CCZ1B: variants seen among roughly 807,000 people sequenced by gnomAD.
The protein encoded by CCZ1B is vacuolar fusion protein CCZ1 homolog B.
Under a neutral mutation model 58.8 loss-of-function variants are expected in CCZ1B, and 25 were observed. The ratio of observed to expected loss-of-function variants is 0.43; its 90% CI spans 0.31 to 0.59. CCZ1B has a LOEUF of 0.59. CCZ1B is among the 20% of genes least tolerant of loss of function. CCZ1B has a pLI of 0.12. For missense variants in CCZ1B, 180 were observed against 501.5 expected, an observed-to-expected ratio of 0.36 and a Z score of 6.12; for synonymous variants, 66 against 173.2, an observed-to-expected ratio of 0.38 and a Z score of 4.86.
At chr7:6,816,738 A>C (rs1407550266) in intron 7 of CCZ1B, among the ~76,000 whole-genome samples, 1 of 151,034 alleles carries the variant, frequency 6.6e-6, no homozygotes, top group African/African-American at 2.5e-5. Flanking sequence ...TGGAATAAGC[A>C]ATTCCATCAA....
In CCZ1B at chr7:6,814,665, A is replaced by G. The variant is rs561792632; in HGVS notation, c.780+99T>C. On this transcript the variant is annotated intron_variant, in intron 8 of 14. Coordinates refer to ENST00000316731, the MANE Select transcript of CCZ1B (RefSeq NM_198097.5). ...AACACACTAAGACAAAACATACATC[A>G]GAAACGATCAGAAACACCCCCATGC... The G allele has an allele frequency of 3.3e-5, 35 of 1,075,336 alleles. 1 individual carries two copies. In the African/African-American group the frequency reaches 5.3e-4, roughly 16 times the overall value. The allele number at this position is 1,075,336 out of a possible 1,614,324, so 66.6% of individuals were successfully genotyped here. A position where few individuals can be genotyped will look rare whatever the true frequency, so the allele number is the denominator to read the frequency against.
intron 7 of CCZ1B, among the ~76,000 whole-genome samples, chr7:6,819,436 A>G (rs1783073636): frequency 6.7e-6 from 1 of 148,642 alleles, no homozygotes; most frequent in African/African-American, 2.5e-5. Flanking sequence ...GGGTTTCACT[A>G]TGTTGACCAG....
Position 6,809,410 on chromosome 7 carries a change from C to T in CCZ1B, c.954+2542G>A, listed in dbSNP as rs140617645. Among the ~76,000 whole-genome samples the T allele has an allele frequency of 5.3e-4, 76 of 144,462 alleles. 5 individuals carry two copies. The highest frequency in any genetic ancestry group is 1.8e-3 in the African/African-American group (67 of 36,288). 94.8% of individuals were successfully genotyped at this position (144,462 alleles called of 152,430 possible). On this transcript the variant is annotated intron_variant, in intron 10 of 14. Coordinates refer to ENST00000316731, the MANE Select transcript of CCZ1B (RefSeq NM_198097.5). ...CCCTTTAACATAGCCACAACCCCAT[C>T]ATCACACCCCACAATATGTCTGTAG...
chr7:6,819,686 C>T, intron 7 of CCZ1B, 80 bp downstream of exon 7: 1 of 795,782 alleles, frequency 1.3e-6, no homozygotes, highest in Non-Finnish European at 2.0e-6. Flanking sequence ...TCCTGTTTGA[C>T]AACCTGTCAT....
rs1016254870 is a variant in CCZ1B, at chr7:6,825,315, T to C, written c.121-578A>G. Among the ~76,000 whole-genome samples, 12 of 146,716 alleles carry C rather than the reference T, an allele frequency of 8.2e-5. 1 individual carries two copies. The South Asian group carries it at 2.2e-3, about 27-fold the overall frequency. Reference sequence around the variant, plus strand: ...TGCAGTGGCGCTATTACAGCTCACCTGCAGCCTCAATCACTTGGGCTCAAG... The same window carrying C: ...TGCAGTGGCGCTATTACAGCTCACCCGCAGCCTCAATCACTTGGGCTCAAG... On this transcript the variant is annotated intron_variant, in intron 1 of 14. Transcript: ENST00000316731.
chr7:6,813,607 G>C (rs1782952276), intron 8 of CCZ1B, among the ~76,000 whole-genome samples: 1 of 149,370 alleles, frequency 6.7e-6, no homozygotes, highest in Non-Finnish European at 1.5e-5. Flanking sequence ...CGAAGAGAGT[G>C]AGTTCAACTG....
rs560596366 is a variant in CCZ1B, at chr7:6,812,298, G to A, written c.843-235C>T. The A allele has an allele frequency of 3.3e-5, 16 of 479,636 alleles. 1 individual carries two copies. The highest frequency in any genetic ancestry group is 2.8e-4 in the African/African-American group (13 of 47,102). The allele number at this position is 479,636 out of a possible 1,614,324, so 29.7% of individuals were successfully genotyped here. A position where few individuals can be genotyped will look rare whatever the true frequency, so the allele number is the denominator to read the frequency against. On this transcript the variant is annotated intron_variant, in intron 9 of 14. Coordinates refer to ENST00000316731, the MANE Select transcript of CCZ1B (RefSeq NM_198097.5). ...GAAGTCAGGAGTTCAAGGGCAGCCT[G>A]GCCAACATGGCAAAACCTCATCTCT... is the stretch of plus-strand genomic sequence containing the variant.
rs1156816484 is a variant in CCZ1B, at chr7:6,810,255, C to T, written c.954+1697G>A. Among the ~76,000 whole-genome samples, 14 of 149,648 alleles carry T rather than the reference C, an allele frequency of 9.4e-5. 2 individuals carry two copies. The highest frequency in any genetic ancestry group is 2.3e-4 in the African/African-American group (9 of 39,698). ...CTCGAACTCCAGACCTCAGGTGATC[C>T]GCCCACCTTGGCCTCCCAAAGTGCT... On this transcript the variant is annotated intron_variant, in intron 10 of 14. Coordinates refer to ENST00000316731, the MANE Select transcript of CCZ1B (RefSeq NM_198097.5).
chr7:6,810,765 C>T lies in CCZ1B; in HGVS notation c.954+1187G>A, dbSNP rs1275507056. Among the ~76,000 whole-genome samples the T allele has an allele frequency of 2.0e-5, 3 of 149,570 alleles. 1 individual carries two copies. The highest frequency in any genetic ancestry group is 4.4e-5 in the Non-Finnish European group (3 of 67,702). ...CATTTCAATTTTATATTAATAGATA[C>T]AACTCTTCTAATTAGTGGATACTAA... On this transcript the variant is annotated intron_variant, in intron 10 of 14. Transcript: ENST00000316731.
In CCZ1B at chr7:6,820,077, C is replaced by T. The variant is rs1783084365; in HGVS notation, c.523-136G>A. 3.1e-5 allele frequency: 40 copies of T among 1,297,528 alleles called. 2 individuals are homozygous for T. The highest frequency in any genetic ancestry group is 4.1e-5 in the Non-Finnish European group (38 of 930,638). The allele number at this position is 1,297,528 out of a possible 1,614,324, so 80.4% of individuals were successfully genotyped here. On this transcript the variant is annotated intron_variant, in intron 6 of 14. Transcript: ENST00000316731. ...ACTAGCAAACAGCACAACAATGAGGCCGTGGTGAAGACATGGGTGACTGAG... is the reference window on the plus strand; with the variant it reads ...ACTAGCAAACAGCACAACAATGAGGTCGTGGTGAAGACATGGGTGACTGAG...
intron 6 of CCZ1B, among the ~76,000 whole-genome samples, chr7:6,821,420 G>A (rs1387374396): frequency 6.6e-6 from 1 of 152,284 alleles, no homozygotes; most frequent in African/African-American, 2.4e-5. Context: ...CAGAAACCAG[G>A]AGATAATATG....
intron 14 of CCZ1B, among the ~76,000 whole-genome samples, chr7:6,799,546 C>A (rs1438860956): frequency 2.1e-5 from 1 of 47,948 alleles, no homozygotes; most frequent in Non-Finnish European, 3.5e-5. Flanking sequence ...CAGGTGCACA[C>A]CACCACGCCC....
chr7:6,820,413 G>T (rs1395067478), intron 6 of CCZ1B, among the ~76,000 whole-genome samples: 2 of 148,804 alleles, frequency 1.3e-5, no homozygotes, highest in Non-Finnish European at 3.0e-5. Context: ...CTCCTGACTC[G>T]TGATCTGCCT....
chr7:6,822,148 G>T (rs760257440), intron 6 of CCZ1B, 133 bp downstream of exon 6: 9 of 1,352,592 alleles, frequency 6.7e-6, no homozygotes, highest in South Asian at 1.4e-5. Context: ...GTTTTGCGAC[G>T]GTCTGTCTCA....
At chr7:6,823,752 C>T (rs1178668736) in intron 4 of CCZ1B, 2 of 467,592 alleles carry the variant, frequency 4.3e-6, no homozygotes, top group Admixed American at 4.3e-5. Context: ...CCCCTGACCT[C>T]AAGTAATCTG....
intron 7 of CCZ1B, among the ~76,000 whole-genome samples, chr7:6,818,384 A>G (rs556943005): frequency 2.0e-5 from 3 of 149,324 alleles, no homozygotes; most frequent in Non-Finnish European, 4.4e-5. Flanking sequence ...CCCTGTCTGT[A>G]CTGAAAATAC....
At position 6,822,278 on chromosome 7, in the gene CCZ1B, T is replaced by C. The variant is rs763908949; in HGVS notation, c.522+3A>G. The C allele has an allele frequency of 2.5e-6, 4 of 1,578,422 alleles. No homozygotes were observed. The highest frequency in any genetic ancestry group is 3.4e-6 in the Non-Finnish European group (4 of 1,168,622). ...AGTTATAAATGAAATTCAAAATACT[T>C]ACCCGATGGAAGAATTTCTCTAATC... On this transcript the variant is annotated splice_donor_region_variant and intron_variant, in intron 6 of 14. Transcript: ENST00000316731.
At chr7:6,818,366 T>C (rs867044789) in intron 7 of CCZ1B, among the ~76,000 whole-genome samples, 5 of 149,308 alleles carry the variant, frequency 3.3e-5, no homozygotes, top group African/African-American at 1.0e-4. Context: ...CTGGCCAACA[T>C]GGTAAAACCC....
Position 6,819,822 on chromosome 7 carries a change from C to A in CCZ1B, c.642G>T (p.Glu214Asp), listed in dbSNP as rs145992513. The A allele has an allele frequency of 6.4e-7, 1 of 1,560,958 alleles. No homozygotes were observed. Among genetic ancestry groups the A allele is most frequent in the Non-Finnish European group, 8.8e-7 (1 of 1,142,350 alleles). ...LKIQSFINRM[E>D]ESLNIVKYTA... ...TGTATTTGACTATATTCAGGCTTTC[C>A]TCCATTCTATTAATAAAGGACTGGA... The change falls in exon 7 of 15, where the codon GAG (glutamate) becomes GAT (aspartate). Residue 214 changes from glutamate (E) to aspartate (D), a missense_variant. By Grantham distance (45) the Glu-to-Asp change is conservative. Coordinates refer to ENST00000316731, the MANE Select transcript of CCZ1B (RefSeq NM_198097.5).
Sources: gnomAD v4.1 joint callset for allele counts (sites outside exome capture counted in the v4.1 genomes callset) on GRCh38, gnomAD v4.1.1 for gene constraint, MANE v1.5 for transcripts, NCBI Gene and HGNC (gene_info 2026-07-23, HGNC 2026-07-21) for gene names.